ZC3H12D: variants seen among roughly 807,000 people sequenced by gnomAD.
The protein encoded by ZC3H12D is probable ribonuclease ZC3H12D.
ZC3H12D carries 11 observed loss-of-function variants against 24.2 expected under a neutral mutation model. The observed-to-expected ratio is 0.46, with a 90% CI of 0.29 to 0.75. The LOEUF is 0.75. ZC3H12D is among the 30% of genes least tolerant of loss of function. The probability of loss-of-function intolerance (pLI) is 0.11; values close to 1 mark genes in which losing one functional copy is unlikely to be tolerated. For synonymous variants in ZC3H12D, 333 were observed against 341.8 expected, an observed-to-expected ratio of 0.97 and a Z score of 0.28; for missense variants, 740 against 767.7, an observed-to-expected ratio of 0.96 and a Z score of 0.43.
intron 2 of ZC3H12D, among the ~76,000 whole-genome samples, chr6:149,465,825 G>A (rs1034090144): frequency 6.6e-6 from 1 of 151,482 alleles, no homozygotes; most frequent in African/African-American, 2.4e-5. Context: ...AGCTGAAAAA[G>A]AGGGAAGATG....
chr6:149,484,594 T>C (rs1776471477), intron 1 of ZC3H12D, among the ~76,000 whole-genome samples: 1 of 152,208 alleles, frequency 6.6e-6, no homozygotes, highest in African/African-American at 2.4e-5. Flanking sequence ...TTCACCTAAA[T>C]GAAATTAAAG....
rs148036442 is a variant in ZC3H12D, at chr6:149,457,918, A to G, written c.446-1018T>C. On this transcript the variant is annotated intron_variant, in intron 3 of 5. Transcript: ENST00000409806. ...CAAAGAACAAAAATAAAGACGCCAC[A>G]TATCTAGCACCTCCTTTGAGAAATA... Among the ~76,000 whole-genome samples the G allele has an allele frequency of 1.2e-4, 18 of 152,222 alleles. No homozygotes were observed. In the South Asian group the frequency reaches 2.3e-3, roughly 19 times the overall value.
chr6:149,474,762 G>A (rs1776305201), intron 1 of ZC3H12D, 149 bp from the exon 2 acceptor site: 3 of 427,742 alleles, frequency 7.0e-6, no homozygotes, highest in Admixed American at 3.9e-5. Context: ...GCTCAATGTG[G>A]CTGTGGAGCT....
At chr6:149,461,480 A>C (rs1776071644) in intron 3 of ZC3H12D, among the ~76,000 whole-genome samples, 1 of 152,238 alleles carries the variant, frequency 6.6e-6, no homozygotes, top group Non-Finnish European at 1.5e-5. Flanking sequence ...ATAAACTATT[A>C]GAAGTGGAAT....
rs1293653989 is a variant in ZC3H12D at position 149,456,640 on chromosome 6, G to C, written c.680+26C>G. 4.1e-6 allele frequency: 6 copies of C among 1,477,290 alleles called. No individual in the cohort carries two copies. Among genetic ancestry groups the C allele is most frequent in the Non-Finnish European group, 5.6e-6 (6 of 1,062,352 alleles). The allele number at this position is 1,477,290 out of a possible 1,614,324, so 91.5% of individuals were successfully genotyped here. On this transcript the variant is annotated intron_variant, in intron 4 of 5. Coordinates refer to ENST00000409806, the MANE Select transcript of ZC3H12D (RefSeq NM_207360.3). The surrounding 1 kb of genome is among the most constrained non-coding windows in gnomAD (Gnocchi z 4.3). The stretch of plus-strand genomic sequence containing the variant: ...GGCCCCCCGCCCCGCCGCCCCCCAG[G>C]GTGTCAGGACCCCAGCCGGACCTAC...
At position 149,474,287 on chromosome 6, in the gene ZC3H12D, G is replaced by T. The variant is rs767776367; in HGVS notation, c.257C>A (p.Ala86Asp). 2 of 1,554,774 alleles carry T rather than the reference G, an allele frequency of 1.3e-6. No homozygotes were observed. Among genetic ancestry groups the T allele is most frequent in the Non-Finnish European group, 1.7e-6 (2 of 1,145,158 alleles). Residue 86 changes from alanine to aspartate, a missense_variant, in exon 2 of 6, where the codon GCC becomes GAC. Physicochemically the swap from Ala to Asp is moderately radical, Grantham distance 126. Coordinates refer to ENST00000409806, the MANE Select transcript of ZC3H12D (RefSeq NM_207360.3). ...TALEEDFRTL[A>D]SSLRPIVIDG... ...AATCACTATGGGTCGCAGAGAACTG[G>T]CCAGGGTTCTGAAGTCCTCTTCCAG...
At chr6:149,470,847 A>G (rs1015916676) in intron 2 of ZC3H12D, among the ~76,000 whole-genome samples, 1 of 152,236 alleles carries the variant, frequency 6.6e-6, no homozygotes, top group Non-Finnish European at 1.5e-5. Context: ...AAGTGCTCGA[A>G]CGTCACACGT....
At position 149,481,444 on chromosome 6, in the gene ZC3H12D, G is replaced by A. The variant is rs1028412270; in HGVS notation, c.-71+3369C>T. ...GGCTGGAGTGAAATGGTGCGACCTC[G>A]GCTCACTGCAACCTCCACCTCCTGA... On this transcript the variant is annotated intron_variant, in intron 1 of 5. Transcript: ENST00000409806. Among the ~76,000 whole-genome samples the A allele has an allele frequency of 5.3e-5, 8 of 151,064 alleles. No homozygotes were observed. The East Asian group carries it at 7.8e-4, about 15-fold the overall frequency.
chr6:149,459,954 C>A (rs1244945468), intron 3 of ZC3H12D, among the ~76,000 whole-genome samples: 2 of 152,322 alleles, frequency 1.3e-5, no homozygotes, highest in Non-Finnish European at 2.9e-5. Context: ...ATGATTCAGA[C>A]CACGTGTGTG....
chr6:149,474,919 G>T (rs1776311740), intron 1 of ZC3H12D, among the ~76,000 whole-genome samples: 1 of 152,040 alleles, frequency 6.6e-6, no homozygotes, highest in African/African-American at 2.4e-5. Flanking sequence ...CAGGTTTCTT[G>T]TTTCTCAGAC....
Position 149,461,827 on chromosome 6 carries a change from A to G in ZC3H12D, c.445+4T>C, listed in dbSNP as rs751909508. 3.9e-6 allele frequency: 6 copies of G among 1,555,666 alleles called. No individual in the cohort carries two copies. The highest frequency in any genetic ancestry group is 3.6e-5 in the South Asian group (3 of 84,192). ...CTCTTGAGCATACATCTGCTCCAGC[A>G]TACCTCTGATAGGGGTGTCAGCTCT... On this transcript the variant is annotated splice_donor_region_variant and intron_variant, in intron 3 of 5. Transcript: ENST00000409806.
Position 149,456,622 on chromosome 6 carries a change from C to CCCCCCCCCCCCCCCCCCGGGGGGACG in ZC3H12D, c.680+43_680+44insCGTCCCCCCGGGGGGGGGGGGGGGGG. 2 of 1,314,360 alleles carry CCCCCCCCCCCCCCCCCCGGGGGGACG rather than the reference C, an allele frequency of 1.5e-6. No individual in the cohort carries two copies. Among genetic ancestry groups the CCCCCCCCCCCCCCCCCCGGGGGGACG allele is most frequent in the Non-Finnish European group, 2.2e-6 (2 of 921,308 alleles). The allele number at this position is 1,314,360 out of a possible 1,614,324, so 81.4% of individuals were successfully genotyped here. A position where few individuals can be genotyped will look rare whatever the true frequency, so the allele number is the denominator to read the frequency against. ...GGCCACTGCCTCGACCCCGGCCCCCCGCCCCGCCGCCCCCCAGGGTGTCAG... is the reference window on the plus strand; with the variant it reads ...GGCCACTGCCTCGACCCCGGCCCCCCCCCCCCCCCCCCCCCCCGGGGGGACGGCCCCGCCGCCCCCCAGGGTGTCAG... On this transcript the variant is annotated intron_variant, in intron 4 of 5. Transcript: ENST00000409806. The surrounding 1 kb of genome is among the most constrained non-coding windows in gnomAD (Gnocchi z 4.3).
rs181042966 is a variant in ZC3H12D, at chr6:149,481,061, C to A, written c.-71+3752G>T. ...ACTCCATAAAGGAAGGGGACACTCA[C>A]CCAGCCTGACAGGCCAGCCTCTCAC... On this transcript the variant is annotated intron_variant, in intron 1 of 5. Coordinates refer to ENST00000409806, the MANE Select transcript of ZC3H12D (RefSeq NM_207360.3). Among the ~76,000 whole-genome samples, 164 of 145,838 alleles carry A rather than the reference C, an allele frequency of 1.1e-3. 4 individuals carry two copies. In the East Asian group the frequency reaches 0.033, roughly 29 times the overall value.
intron 4 of ZC3H12D, among the ~76,000 whole-genome samples, chr6:149,453,990 G>A (rs1248279803): frequency 6.6e-6 from 1 of 152,190 alleles, no homozygotes; most frequent in Admixed American, 6.5e-5. Context: ...TCTGGGCTGT[G>A]AACCTCCAGG....
At position 149,450,828 on chromosome 6, in the gene ZC3H12D, C is replaced by T. The variant is rs1326989646; in HGVS notation, c.1439G>A (p.Arg480Gln). 5.8e-6 allele frequency: 9 copies of T among 1,546,438 alleles called. No individual in the cohort carries two copies. Among genetic ancestry groups the T allele is most frequent in the South Asian group, 3.6e-5 (3 of 84,032 alleles). ...TEDDEGDARA[R>Q]ARIALYSVFP... ...GACGCTGTAGAGCGCGATGCGAGCC[C>T]GGGCGCGCGCGTCCCCCTCGTCGTC... is the stretch of plus-strand genomic sequence containing the variant. The change falls in exon 6 of 6, where the codon CGG becomes CAG. Residue 480 changes from arginine (R) to glutamine (Q), a missense_variant. Physicochemically the swap from Arg to Gln is conservative, Grantham distance 43. Coordinates refer to ENST00000409806, the MANE Select transcript of ZC3H12D (RefSeq NM_207360.3).
rs747092532 is a variant in ZC3H12D, at chr6:149,452,675, C to T, written c.728G>A (p.Ser243Asn). 10 of 1,608,938 alleles carry T rather than the reference C, an allele frequency of 6.2e-6. No individual in the cohort carries two copies. Among genetic ancestry groups the T allele is most frequent in the Admixed American group, 1.7e-5 (1 of 59,372 alleles). ...DPLGRHGPSLSNFLSRKPKPP... is the reference protein window; with the variant it reads ...DPLGRHGPSLNNFLSRKPKPP... ...CTTCGGCTTCCTGCTCAGGAAGTTGCTCAGGGAGGGTCCATGGCGGCCCAG... is the reference window on the plus strand; with the variant it reads ...CTTCGGCTTCCTGCTCAGGAAGTTGTTCAGGGAGGGTCCATGGCGGCCCAG... The change falls in exon 5 of 6, where the codon AGC (serine) becomes AAC (asparagine). Residue 243 changes from serine to asparagine, a missense_variant. Ser to Asn is a conservative substitution (Grantham distance 46). Coordinates refer to ENST00000409806, the MANE Select transcript of ZC3H12D (RefSeq NM_207360.3). The surrounding 1 kb of genome is among the most constrained non-coding windows in gnomAD (Gnocchi z 4.0).
In ZC3H12D at chr6:149,474,581, G is replaced by C; in HGVS notation, c.-38C>G. ...GGCCACTGGCGCAGGTCCTGCCCCA[G>C]GCTTCCTCCTCTCAGAGCCCTGCAG... On this transcript the variant is annotated 5_prime_UTR_variant, in exon 2 of 6. Transcript: ENST00000409806. The C allele has an allele frequency of 7.0e-7, 1 of 1,434,618 alleles. No individual in the cohort carries two copies. Among genetic ancestry groups the C allele is most frequent in the Non-Finnish European group, 9.2e-7 (1 of 1,083,258 alleles). The allele number at this position is 1,434,618 out of a possible 1,614,324, so 88.9% of individuals were successfully genotyped here.
chr6:149,472,995 ACCTATCTGGTG>A (rs1298623807), intron 2 of ZC3H12D, among the ~76,000 whole-genome samples: 1 of 152,150 alleles, frequency 6.6e-6, no homozygotes, highest in Non-Finnish European at 1.5e-5. Context: ...TCATAGGTTT[ACCTATCTGGTG>A]CCTATACATG....
chr6:149,456,624 C>CAGGA lies in ZC3H12D; in HGVS notation c.680+41_680+42insTCCT. 1 of 1,332,596 alleles carries CAGGA rather than the reference C, an allele frequency of 7.5e-7. No individual in the cohort carries two copies. The allele number at this position is 1,332,596 out of a possible 1,614,324, so 82.5% of individuals were successfully genotyped here. Reference sequence around the variant, plus strand: ...CCACTGCCTCGACCCCGGCCCCCCGCCCCGCCGCCCCCCAGGGTGTCAGGA... The same window carrying CAGGA: ...CCACTGCCTCGACCCCGGCCCCCCGCAGGACCCGCCGCCCCCCAGGGTGTCAGGA... On this transcript the variant is annotated intron_variant, in intron 4 of 5. Transcript: ENST00000409806. This position sits in a 1 kb window ranked among gnomAD's most constrained non-coding sequence, Gnocchi z 4.3.
Sources: allele counts gnomAD v4.1 joint callset (sites outside exome capture counted in the v4.1 genomes callset), GRCh38; gene constraint gnomAD v4.1.1; non-coding constraint Gnocchi (gnomAD v3.1); transcripts MANE v1.5; gene names NCBI Gene and HGNC (gene_info 2026-07-23, HGNC 2026-07-21).